Variants in MCTP2 observed in about 807,000 individuals in gnomAD.
MCTP2 encodes multiple C2 and transmembrane domain containing 2.
Under a neutral mutation model 111.6 loss-of-function variants are expected in MCTP2, and 132 were observed. The observed-to-expected ratio is 1.18, with a 90% confidence interval of 1.03 to 1.37. The LOEUF (loss-of-function observed/expected upper bound fraction) is 1.37, where lower values mean the gene tolerates loss of function less well. MCTP2 is among the 40% of genes most tolerant of loss of function. The pLI is 0.00. For synonymous variants in MCTP2, 395 were observed against 387.7 expected (o/e 1.02, Z -0.22); for missense variants, 1,183 against 1,067.9 (o/e 1.11, Z -1.50).
At chr15:94,331,069 C>T (rs545668690) in intron 4 of MCTP2, among the ~76,000 whole-genome samples, 1 of 152,262 alleles carries the variant, frequency 6.6e-6, no homozygotes, top group African/African-American at 2.4e-5. Context: ...TTGCCAAAAG[C>T]CAATTAGTTC....
rs1441495227 is a variant in MCTP2 at position 94,340,854 on chromosome 15, T to G, written c.899T>G (p.Leu300Ter). 6.2e-7 allele frequency: 1 copy of G among 1,613,150 alleles called. No individual in the cohort carries two copies. The highest frequency in any genetic ancestry group is 1.1e-5 in the South Asian group (1 of 91,040). ...HILKLEDPNSLEDDMGVIVLN... is the reference protein window; with the variant it reads ...HILKLEDPNS ...TTAAAACTGGAAGATCCAAACAGTT[T>G]AGAAGATGACATGGGAGTGATCGTG... The change falls in exon 7 of 23, where the codon TTA becomes TGA. Residue 300 changes from leucine to a stop codon, truncating the protein, a stop_gained. Transcript: ENST00000357742. LOFTEE classifies it high-confidence loss of function.
At chr15:94,387,814 C>T (rs997941490) in intron 14 of MCTP2, among the ~76,000 whole-genome samples, 1 of 152,170 alleles carries the variant, frequency 6.6e-6, no homozygotes, top group African/African-American at 2.4e-5. Context: ...TTTCCAGCTG[C>T]TAGCCAGGGA....
rs1240627198 is a variant in MCTP2, at chr15:94,480,523, C to T, written c.*1489C>T. ...TGAAGCTGGCTGGAAAAGAGCCTTGCAGAAATTATAAAAGCTCCAGTAAAT... is the reference window on the plus strand; with the variant it reads ...TGAAGCTGGCTGGAAAAGAGCCTTGTAGAAATTATAAAAGCTCCAGTAAAT... On this transcript the variant is annotated 3_prime_UTR_variant, in exon 23 of 23. Coordinates refer to ENST00000357742, the MANE Select transcript of MCTP2 (RefSeq NM_001385001.1). 5 of 152,160 alleles carry T rather than the reference C, an allele frequency of 3.3e-5. No homozygotes were observed. The highest frequency in any genetic ancestry group is 7.3e-5 in the Non-Finnish European group (5 of 68,032). The allele number at this position is 152,160 out of a possible 1,614,324, so 9.4% of individuals were successfully genotyped here. A position where few individuals can be genotyped will look rare whatever the true frequency, so the allele number is the denominator to read the frequency against.
At chr15:94,402,506 C>T (rs919726747) in intron 17 of MCTP2, 3 of 1,551,756 alleles carry the variant, frequency 1.9e-6, no homozygotes, top group East Asian at 2.4e-5. Context: ...AGGAACCACC[C>T]CTGTCTATGA....
chr15:94,382,886 T>A (rs558809052), intron 12 of MCTP2, among the ~76,000 whole-genome samples: 1 of 152,256 alleles, frequency 6.6e-6, no homozygotes, highest in African/African-American at 2.4e-5. Context: ...CCCTGACAGT[T>A]CCAAATCCAG....
At chr15:94,395,897 G>A (rs967082881) in intron 14 of MCTP2, among the ~76,000 whole-genome samples, 3 of 152,092 alleles carry the variant, frequency 2.0e-5, no homozygotes, top group African/African-American at 7.2e-5. Context: ...TCAGCTGTTA[G>A]CATGCTCTAT....
At chr15:94,408,745 A>T (rs911230256) in intron 17 of MCTP2, among the ~76,000 whole-genome samples, 4 of 152,250 alleles carry the variant, frequency 2.6e-5, no homozygotes, top group Non-Finnish European at 5.9e-5. Flanking sequence ...TCCAGACAGA[A>T]TCATAGCTAG....
rs190908619 is a variant in MCTP2 at position 94,244,864 on chromosome 15, A to G, written c.-66+13200A>G. On this transcript the variant is annotated intron_variant, in intron 1 of 22. Transcript: ENST00000357742. The stretch of plus-strand genomic sequence containing the variant: ...TATACGTATATGTATACACATACAT[A>G]TGCACCTATGTTTATATACGTATAT... Among the ~76,000 whole-genome samples, 159 of 147,200 alleles carry G rather than the reference A, an allele frequency of 1.1e-3. 5 individuals are homozygous for G. The highest frequency in any genetic ancestry group is 3.9e-3 in the African/African-American group (155 of 39,898).
At chr15:94,356,960 A>G (rs947559261) in intron 9 of MCTP2, among the ~76,000 whole-genome samples, 4 of 152,214 alleles carry the variant, frequency 2.6e-5, no homozygotes, top group African/African-American at 9.6e-5. Flanking sequence ...TTAGTTTTAC[A>G]TAACTGTCAG....
chr15:94,265,198 G>C (rs560629313), intron 1 of MCTP2, among the ~76,000 whole-genome samples: 5 of 152,176 alleles, frequency 3.3e-5, no homozygotes, highest in Non-Finnish European at 7.4e-5. Context: ...TTGATGATGG[G>C]ATTGCCAGGA....
intron 19 of MCTP2, among the ~76,000 whole-genome samples, chr15:94,448,480 T>A (rs2084257405): frequency 6.6e-6 from 1 of 152,210 alleles, no homozygotes; most frequent in Non-Finnish European, 1.5e-5. Context: ...ATCCCTAATC[T>A]AAATACTTGA....
intron 17 of MCTP2, among the ~76,000 whole-genome samples, chr15:94,411,523 A>ATCGT (rs1235496170): frequency 6.6e-6 from 1 of 152,100 alleles, no homozygotes; most frequent in Non-Finnish European, 1.5e-5. Context: ...GAGCCCAGTA[A>ATCGT]TCGTTCTAGC....
chr15:94,455,398 T>G (rs1201958375), intron 19 of MCTP2, among the ~76,000 whole-genome samples: 7 of 152,044 alleles, frequency 4.6e-5, no homozygotes, highest in Admixed American at 4.6e-4. Context: ...ATTTTTGTTG[T>G]GAGTTTTCAA....
At chr15:94,327,172 A>T (rs1317079469) in intron 4 of MCTP2, among the ~76,000 whole-genome samples, 2 of 152,128 alleles carry the variant, frequency 1.3e-5, no homozygotes, top group African/African-American at 4.8e-5. Flanking sequence ...TTCTTGAGAG[A>T]CACACACATT....
intron 17 of MCTP2, among the ~76,000 whole-genome samples, chr15:94,419,387 T>C (rs2082519391): frequency 6.6e-6 from 1 of 152,176 alleles, no homozygotes; most frequent in Admixed American, 6.6e-5. Context: ...CCTTTCTTTA[T>C]ATTATGGTAC....
Position 94,440,196 on chromosome 15 carries a change from G to A in MCTP2, c.2106G>A (p.Trp702Ter). The A allele has an allele frequency of 6.2e-7, 1 of 1,613,756 alleles. No homozygotes were observed. Among genetic ancestry groups the A allele is most frequent in the Non-Finnish European group, 8.5e-7 (1 of 1,179,852 alleles). ...ATCAGGTATTTTTGATCACTGTCTG[G>A]AATTTTGAACTATATATGATCCCCT... ...IAFAVFLITV[W>*]NFELYMIPLA... is the part of the protein sequence containing the mutation. Residue 702 changes from tryptophan (W) to a stop codon, truncating the protein, a stop_gained, in exon 18 of 23, where the codon TGG becomes TGA. Coordinates refer to ENST00000357742, the MANE Select transcript of MCTP2 (RefSeq NM_001385001.1). LOFTEE classifies it high-confidence loss of function.
intron 1 of MCTP2, chr15:94,273,490 G>GTC (rs2074023774): frequency 6.0e-6 from 1 of 166,202 alleles, no homozygotes; most frequent in Non-Finnish European, 1.3e-5. Flanking sequence ...GAGCCAGAGA[G>GTC]TCACCATGAA....
chr15:94,405,920 G>T (rs182053950), intron 17 of MCTP2, among the ~76,000 whole-genome samples: 1 of 151,862 alleles, frequency 6.6e-6, no homozygotes, highest in East Asian at 1.9e-4. Context: ...TAACATTCTT[G>T]ACTTTCCCAT....
intron 10 of MCTP2, among the ~76,000 whole-genome samples, chr15:94,359,599 T>C (rs1334207598): frequency 2.6e-5 from 4 of 152,318 alleles, no homozygotes; most frequent in Non-Finnish European, 5.9e-5. Context: ...AGCTTTTGCC[T>C]GTGCTCTGTA....
Sources: gnomAD v4.1 joint callset for allele counts (sites outside exome capture counted in the v4.1 genomes callset) on GRCh38, gnomAD v4.1.1 for gene constraint, MANE v1.5 for transcripts, NCBI Gene and HGNC (gene_info 2026-07-23, HGNC 2026-07-21) for gene names.